The following PLCB4 variants were observed in gnomAD, a reference collection of about 807,000 sequenced individuals.
The protein encoded by PLCB4 is phospholipase C beta 4, also known as 1-phosphatidylinositol 4,5-bisphosphate phosphodiesterase beta-4.
In PLCB4, 77 loss-of-function variants were observed where a neutral mutation model predicts 178.8. That is an observed-to-expected ratio of 0.43 (90% CI 0.36 to 0.52). The LOEUF (loss-of-function observed/expected upper bound fraction) is 0.52, where lower values mean the gene tolerates loss of function less well. Ranked by LOEUF, PLCB4 falls within the 20% of genes least tolerant of loss-of-function variation. PLCB4 has a pLI of 0.00. For synonymous variants in PLCB4, 496 were observed against 490.8 expected, an observed-to-expected ratio of 1.01 and a Z score of -0.14; for missense variants, 1,024 against 1,453.4, an observed-to-expected ratio of 0.70 and a Z score of 4.80.
intron 28 of PLCB4, among the ~76,000 whole-genome samples, chr20:9,429,622 G>A (rs1238571120): frequency 6.6e-6 from 1 of 152,196 alleles, no homozygotes; most frequent in Non-Finnish European, 1.5e-5. Context: ...GATATTTGAG[G>A]TAGAGCTTTT....
At chr20:9,327,620 C>T (rs1339672792) in intron 4 of PLCB4, among the ~76,000 whole-genome samples, 4 of 150,580 alleles carry the variant, frequency 2.7e-5, no homozygotes, top group African/African-American at 9.8e-5. Context: ...ACTAAAAATA[C>T]AAAAAATTAG....
chr20:9,201,417 A>G (rs1454875740), intron 2 of PLCB4, among the ~76,000 whole-genome samples: 1 of 152,190 alleles, frequency 6.6e-6, no homozygotes, highest in African/African-American at 2.4e-5. Flanking sequence ...ATGGGAATCT[A>G]TTGTGATTAT....
chr20:9,325,863 C>T (rs1026201007), intron 4 of PLCB4, among the ~76,000 whole-genome samples: 3 of 152,126 alleles, frequency 2.0e-5, no homozygotes, highest in African/African-American at 7.2e-5. Flanking sequence ...GCTGCTATAA[C>T]AAAATACCAT....
chr20:9,402,810 G>T (rs2039134774), intron 20 of PLCB4, among the ~76,000 whole-genome samples: 1 of 152,146 alleles, frequency 6.6e-6, no homozygotes, highest in Non-Finnish European at 1.5e-5. Context: ...GGTAGGTGAT[G>T]GTACCATTTA....
chr20:9,249,793 C>T (rs550981215), intron 3 of PLCB4, among the ~76,000 whole-genome samples: 46 of 152,274 alleles, frequency 3.0e-4, no homozygotes, highest in African/African-American at 1.0e-3. Flanking sequence ...CTATTATTCA[C>T]GTGCATGCTT....
At chr20:9,091,595 T>G (rs2090680511) in intron 1 of PLCB4, among the ~76,000 whole-genome samples, 1 of 151,228 alleles carries the variant, frequency 6.6e-6, no homozygotes, top group Admixed American at 6.6e-5. Flanking sequence ...GCTCCAAAGC[T>G]CCCTCTGAAC....
intron 7 of PLCB4, among the ~76,000 whole-genome samples, chr20:9,355,518 C>G (rs2034727927): frequency 6.6e-6 from 1 of 151,364 alleles, no homozygotes; most frequent in African/African-American, 2.4e-5. Context: ...TTGTTCAATT[C>G]CCATCTATGA....
At chr20:9,395,764 G>C in intron 19 of PLCB4, 146 bp downstream of exon 19, 1 of 560,468 alleles carries the variant, frequency 1.8e-6, no homozygotes. Context: ...AGGAGTTCAA[G>C]ACCAGCCTGG....
chr20:9,385,739 C>T (rs1327822641), intron 14 of PLCB4, among the ~76,000 whole-genome samples: 4 of 150,116 alleles, frequency 2.7e-5, no homozygotes, highest in Non-Finnish European at 3.0e-5. Flanking sequence ...CCAGACGGGG[C>T]GGCCGGGCAG....
At chr20:9,108,935 G>A in intron 2 of PLCB4, among the ~76,000 whole-genome samples, 1 of 151,616 alleles carries the variant, frequency 6.6e-6, no homozygotes. Context: ...GAAAGAGAGA[G>A]AGGAGAAAGG....
chr20:9,399,661 A>G (rs920066658), intron 19 of PLCB4, among the ~76,000 whole-genome samples: 1 of 152,242 alleles, frequency 6.6e-6, no homozygotes. Context: ...GTGTCTGTGC[A>G]TATCTGCACA....
intron 2 of PLCB4, among the ~76,000 whole-genome samples, chr20:9,120,354 T>G (rs1322098391): frequency 1.3e-5 from 2 of 152,146 alleles, no homozygotes; most frequent in Non-Finnish European, 2.9e-5. Context: ...CTCAAACTCC[T>G]GAACTCAAGT....
At chr20:9,300,403 G>A (rs2094689316) in intron 3 of PLCB4, among the ~76,000 whole-genome samples, 1 of 152,100 alleles carries the variant, frequency 6.6e-6, no homozygotes, top group Non-Finnish European at 1.5e-5. Context: ...ACTGAGTCAT[G>A]GTGCATTTAT....
At chr20:9,348,744 CA>C (rs2034053384) in intron 7 of PLCB4, among the ~76,000 whole-genome samples, 2 of 152,110 alleles carry the variant, frequency 1.3e-5, no homozygotes, top group African/African-American at 4.8e-5. Context: ...AGCTCCTGGT[CA>C]AAATGATTCT....
chr20:9,097,232 C>CTTTTTTTTT (rs544568591), intron 2 of PLCB4, among the ~76,000 whole-genome samples: 1 of 81,092 alleles, frequency 1.2e-5, no homozygotes, highest in Non-Finnish European at 2.4e-5. Context: ...ACAGCCTGGC[C>CTTTTTTTTT]TTTTTTTTTT....
chr20:9,419,801 T>C lies in PLCB4; in HGVS notation c.2052-6T>C. 1.3e-6 allele frequency: 2 copies of C among 1,592,074 alleles called. No homozygotes were observed. Among genetic ancestry groups the C allele is most frequent in the Admixed American group, 1.7e-5 (1 of 59,998 alleles). On this transcript the variant is annotated splice_region_variant and splice_polypyrimidine_tract_variant and intron_variant, in intron 25 of 39. Coordinates refer to ENST00000378473, the MANE Select transcript of PLCB4 (RefSeq NM_001377142.1). ...CTAATAAACTTCTATGCTATTGTCC[T>C]ACCAGGTACCTTCTCAAACCAGATT...
chr20:9,102,446 G>C (rs1254706902), intron 2 of PLCB4, among the ~76,000 whole-genome samples: 2 of 152,124 alleles, frequency 1.3e-5, no homozygotes, highest in East Asian at 1.9e-4. Context: ...TTTGCTTTTG[G>C]CATGACATGT....
At chr20:9,227,867 T>G (rs2093886368) in intron 3 of PLCB4, among the ~76,000 whole-genome samples, 1 of 152,200 alleles carries the variant, frequency 6.6e-6, no homozygotes, top group African/African-American at 2.4e-5. Flanking sequence ...ATTATTGTTT[T>G]GTCCTGCAGT....
At chr20:9,203,642 T>G (rs1241253108) in intron 2 of PLCB4, among the ~76,000 whole-genome samples, 2 of 152,018 alleles carry the variant, frequency 1.3e-5, no homozygotes, top group African/African-American at 2.4e-5. Context: ...CAACAATGAG[T>G]TAGGTAGATA....
Sources: allele counts gnomAD v4.1 joint callset (sites outside exome capture counted in the v4.1 genomes callset), GRCh38; gene constraint gnomAD v4.1.1; transcripts MANE v1.5; gene names NCBI Gene and HGNC (gene_info 2026-07-23, HGNC 2026-07-21).